PVT1: variants seen among roughly 807,000 people sequenced by gnomAD.
PVT1 encodes CXCR4/PVT1 fusion.
intron 3 of PVT1, among the ~76,000 whole-genome samples, chr8:127,906,819 A>G (rs1815828223): frequency 6.6e-6 from 1 of 152,078 alleles, no homozygotes; most frequent in Admixed American, 6.5e-5. Context: ...GGATTTAAAT[A>G]TTTCTCTCAG....
intron 2 of PVT1, among the ~76,000 whole-genome samples, chr8:127,865,196 C>G (rs563023503): frequency 6.6e-6 from 1 of 152,292 alleles, no homozygotes; most frequent in African/African-American, 2.4e-5. Flanking sequence ...TTGAAATCAT[C>G]CAGGGGTCAC....
At chr8:128,094,019 GGATAGGTTTTTGCTACA>G (rs1310887019) in intron 5 of PVT1, among the ~76,000 whole-genome samples, 1 of 152,166 alleles carries the variant, frequency 6.6e-6, no homozygotes, top group Non-Finnish European at 1.5e-5. Context: ...CTGTCAAAAT[GGATAGGTTTTTGCTACA>G]GTCCTCACCA....
At chr8:127,934,207 T>C (rs1386437768) in intron 3 of PVT1, among the ~76,000 whole-genome samples, 1 of 152,218 alleles carries the variant, frequency 6.6e-6, no homozygotes, top group Admixed American at 6.5e-5. Context: ...TGAGTAGAGG[T>C]GACTCCATGC....
At chr8:127,878,533 T>A (rs780484650) in intron 2 of PVT1, among the ~76,000 whole-genome samples, 2 of 152,144 alleles carry the variant, frequency 1.3e-5, no homozygotes, top group Non-Finnish European at 2.9e-5. Flanking sequence ...ATTGCATCCC[T>A]CCCTCTTTTT....
At chr8:128,005,750 G>A (rs1018513923) in intron 4 of PVT1, among the ~76,000 whole-genome samples, 1 of 152,118 alleles carries the variant, frequency 6.6e-6, no homozygotes, top group African/African-American at 2.4e-5. Flanking sequence ...AAAGAAAGTG[G>A]GTACTCTCAC....
chr8:127,796,049 C>G (rs537971053), exon 2 of PVT1: 6 of 170,400 alleles, frequency 3.5e-5, no homozygotes, highest in Admixed American at 2.0e-4. Flanking sequence ...GGCACAAGGG[C>G]CCAACTGGAA....
chr8:128,069,775 T>G (rs972359349), intron 4 of PVT1, among the ~76,000 whole-genome samples: 3 of 152,196 alleles, frequency 2.0e-5, no homozygotes, highest in African/African-American at 7.2e-5. Context: ...CCGTAGCCAG[T>G]AAGGATCAAG....
At chr8:127,894,029 A>T (rs1183961838) in intron 3 of PVT1, among the ~76,000 whole-genome samples, 2 of 152,160 alleles carry the variant, frequency 1.3e-5, no homozygotes, top group Non-Finnish European at 2.9e-5. Context: ...TTCATGTCAC[A>T]AGCCTGCTTT....
chr8:127,864,886 G>A (rs899726290), intron 2 of PVT1, among the ~76,000 whole-genome samples: 7 of 152,172 alleles, frequency 4.6e-5, no homozygotes, highest in Admixed American at 1.3e-4. Flanking sequence ...AGTGGAGGCC[G>A]CGGGAACTAG....
chr8:127,910,892 T>TG (rs1491182377), intron 3 of PVT1, among the ~76,000 whole-genome samples: 2,030 of 136,912 alleles, frequency 0.015, 40 homozygotes, highest in African/African-American at 0.061. Flanking sequence ...TGTGTGTGTG[T>TG]TTGTGTGTGT....
chr8:127,808,048 G>A (rs773655317), intron 2 of PVT1, among the ~76,000 whole-genome samples: 1 of 151,482 alleles, frequency 6.6e-6, no homozygotes, highest in African/African-American at 2.4e-5. Context: ...GATTACAGAC[G>A]TGAGCCACCG....
chr8:128,008,281 A>T (rs1335316901), intron 4 of PVT1, among the ~76,000 whole-genome samples: 3 of 152,214 alleles, frequency 2.0e-5, no homozygotes, highest in Non-Finnish European at 4.4e-5. Flanking sequence ...TACAGGGCAG[A>T]TGCTCCTTAA....
chr8:127,970,173 A>T lies in PVT1; in HGVS notation n.783-18989A>T, dbSNP rs16902504. On this transcript the variant is annotated intron_variant and non_coding_transcript_variant, in intron 3 of 10. Transcript: ENST00000651587. ...ATGTGGCTTACTCACCTTTCCTGCT[A>T]TGCCTAACCTTCTCTTCTCCTTTCT... is the stretch of plus-strand genomic sequence containing the variant. 2.6e-4 allele frequency among the ~76,000 whole-genome samples: 40 copies of T among 151,642 alleles called. No individual in the cohort carries two copies. The South Asian group carries it at 7.9e-3, about 30-fold the overall frequency.
intron 3 of PVT1, among the ~76,000 whole-genome samples, chr8:127,977,847 C>G (rs576342803): frequency 1.3e-5 from 2 of 152,170 alleles, no homozygotes; most frequent in African/African-American, 4.8e-5. Context: ...GTCTGTAAAC[C>G]GCAGTTGTAA....
intron 2 of PVT1, among the ~76,000 whole-genome samples, chr8:127,823,931 G>A (rs949958420): frequency 1.3e-5 from 2 of 152,180 alleles, no homozygotes; most frequent in East Asian, 1.9e-4. Context: ...GGTGGCTCAC[G>A]CCTGTAATCC....
At position 128,096,953 on chromosome 8, in the gene PVT1, C is replaced by T. The variant is rs139237944; in HGVS notation, n.1251+299C>T. Among the ~76,000 whole-genome samples, 128 of 152,332 alleles carry T rather than the reference C, an allele frequency of 8.4e-4. 1 individual carries two copies. The highest frequency in any genetic ancestry group is 1.4e-3 in the Non-Finnish European group (92 of 68,024). ...CAGGCCCCCAGTCTTGCCATGTTTCCTCTGCCTCCCCAGGCTGGCCTAGAA... is the reference window on the plus strand; with the variant it reads ...CAGGCCCCCAGTCTTGCCATGTTTCTTCTGCCTCCCCAGGCTGGCCTAGAA... On this transcript the variant is annotated intron_variant and non_coding_transcript_variant, in intron 6 of 10. Coordinates refer to ENST00000651587, the Ensembl canonical transcript of PVT1.
intron 3 of PVT1, among the ~76,000 whole-genome samples, chr8:127,909,827 G>A (rs546607642): frequency 2.2e-4 from 34 of 152,216 alleles, no homozygotes; most frequent in African/African-American, 7.7e-4. Flanking sequence ...CTGAGAGGCA[G>A]TGACCAGCCA....
chr8:127,968,671 AC>A (rs1454252177), intron 3 of PVT1, among the ~76,000 whole-genome samples: 1 of 152,116 alleles, frequency 6.6e-6, no homozygotes, highest in Non-Finnish European at 1.5e-5. Context: ...TCAGGTCCTA[AC>A]CCCTGTGCCC....
At chr8:127,890,353 G>A (rs1231529823) in intron 2 of PVT1, among the ~76,000 whole-genome samples, 1 of 152,220 alleles carries the variant, frequency 6.6e-6, no homozygotes, top group East Asian at 1.9e-4. Context: ...TGCTCCTGAG[G>A]CTATGAGCAG....
Sources: allele counts gnomAD v4.1 joint callset (sites outside exome capture counted in the v4.1 genomes callset), GRCh38; gene constraint gnomAD v4.1.1; transcripts MANE v1.5; gene names NCBI Gene and HGNC (gene_info 2026-07-23, HGNC 2026-07-21).